Variants in TMEM254 observed in about 807,000 individuals in gnomAD.
The protein encoded by TMEM254 is transmembrane protein 254.
Under a neutral mutation model 13.9 loss-of-function variants are expected in TMEM254, and 16 were observed. The ratio of observed to expected loss-of-function variants is 1.15; its 90% CI spans 0.78 to 1.75. The LOEUF (loss-of-function observed/expected upper bound fraction) is 1.75, where lower values mean the gene tolerates loss of function less well. Ranked by LOEUF, TMEM254 falls within the 40% of genes most tolerant of loss-of-function variation. TMEM254 has a pLI of 0.00. For synonymous variants in TMEM254, 61 were observed against 56.4 expected, an observed-to-expected ratio of 1.08 and a Z score of -0.36; for missense variants, 155 against 149.0, an observed-to-expected ratio of 1.04 and a Z score of -0.21.
chr10:80,080,319 A>G (rs925810532), intron 1 of TMEM254, among the ~76,000 whole-genome samples: 7 of 152,236 alleles, frequency 4.6e-5, no homozygotes, highest in Non-Finnish European at 1.0e-4. Flanking sequence ...GAATGGGACA[A>G]TACATTTTGA....
At position 80,090,797 on chromosome 10, in the gene TMEM254, G is replaced by C. The variant is rs1310730947; in HGVS notation, c.252G>C (p.Lys84Asn). 2 of 1,611,766 alleles carry C rather than the reference G, an allele frequency of 1.2e-6. No homozygotes were observed. Among genetic ancestry groups the C allele is most frequent in the East Asian group, 4.5e-5 (2 of 44,842 alleles). ...TTAAATTTTGTTTTTTCTGTTTTAG[G>C]CATAAAGGCATCACAAGTGGTCGGG... ...GESLYAIVLCKHKGITSGRAQ... is the reference protein window; with the variant it reads ...GESLYAIVLCNHKGITSGRAQ... Residue 84 changes from lysine to asparagine, a missense_variant and splice_region_variant, in exon 4 of 4, where the codon AAG (lysine) becomes AAC (asparagine). Physicochemically the swap from Lys to Asn is moderately conservative, Grantham distance 94. Coordinates refer to ENST00000372281, the MANE Select transcript of TMEM254 (RefSeq NM_025125.4).
Position 80,081,933 on chromosome 10 carries a change from C to T in TMEM254, c.180C>T (p.Leu60=), listed in dbSNP as rs1844055606. 18 of 1,614,014 alleles carry T rather than the reference C, an allele frequency of 1.1e-5. No homozygotes were observed. Among genetic ancestry groups the T allele is most frequent in the Non-Finnish European group, 1.5e-5 (18 of 1,179,890 alleles). The part of the protein sequence containing the change: ...TQYLVDHHHT[L]LCNGYWLAWL... ...ACTTGGTGGACCACCATCACACCCT[C>T]CTGTGCAATGGGTAAGGAGAGCTGC... Residue 60 remains leucine, a synonymous_variant, in exon 2 of 4, where the codon CTC becomes CTT. Coordinates refer to ENST00000372281, the MANE Select transcript of TMEM254 (RefSeq NM_025125.4).
intron 3 of TMEM254, among the ~76,000 whole-genome samples, chr10:80,087,229 C>G (rs1932575): frequency 0.38 from 57,493 of 151,998 alleles, 11,667 homozygotes; most frequent in East Asian, 0.71. Flanking sequence ...ACTTTTAAGT[C>G]TCTACTTTTT....
chr10:80,090,719 A>T (rs1245580248), intron 3 of TMEM254, 78 bp from the exon 4 acceptor site: 1 of 1,375,198 alleles, frequency 7.3e-7, no homozygotes, highest in Non-Finnish European at 9.9e-7. Context: ...TTTAAAAAAT[A>T]TATATATAGA....
chr10:80,086,812 G>T (rs893584194), intron 3 of TMEM254, among the ~76,000 whole-genome samples: 8 of 145,564 alleles, frequency 5.5e-5, no homozygotes, highest in Admixed American at 2.8e-4. Context: ...CTGCACTCCA[G>T]CCTGGGCAAC....
At chr10:80,081,377 T>C (rs760270664) in intron 1 of TMEM254, among the ~76,000 whole-genome samples, 3 of 152,042 alleles carry the variant, frequency 2.0e-5, no homozygotes, top group Admixed American at 1.3e-4. Context: ...TTTTAGAAAA[T>C]AGAAGTCATC....
At chr10:80,090,517 T>C in intron 3 of TMEM254, 1 of 703,966 alleles carries the variant, frequency 1.4e-6, no homozygotes, top group Non-Finnish European at 2.6e-6. Context: ...CTCCATCCGC[T>C]CATCAGAATC....
intron 3 of TMEM254, chr10:80,090,318 A>G: frequency 2.8e-6 from 2 of 716,032 alleles, no homozygotes; most frequent in African/African-American, 1.7e-5. Flanking sequence ...TGTTGTGTGT[A>G]TTATCCCATA....
At chr10:80,087,589 G>A (rs1435948120) in intron 3 of TMEM254, among the ~76,000 whole-genome samples, 1 of 152,100 alleles carries the variant, frequency 6.6e-6, no homozygotes. Context: ...GGAGGCGGAG[G>A]TTGCAGTGAG....
At chr10:80,088,908 G>GTTGTTT in intron 3 of TMEM254, among the ~76,000 whole-genome samples, 1 of 151,238 alleles carries the variant, frequency 6.6e-6, no homozygotes, top group East Asian at 2.0e-4. Flanking sequence ...AACTTTTGTT[G>GTTGTTT]TTGTTTTTGT....
intron 1 of TMEM254, among the ~76,000 whole-genome samples, chr10:80,081,482 C>G (rs559952514): frequency 6.6e-6 from 1 of 151,958 alleles, no homozygotes; most frequent in South Asian, 2.1e-4. Flanking sequence ...TCCTGGGCAA[C>G]ATAGTGAGAC....
At chr10:80,089,515 A>T (rs1343712282) in intron 3 of TMEM254, among the ~76,000 whole-genome samples, 1 of 152,120 alleles carries the variant, frequency 6.6e-6, no homozygotes, top group Non-Finnish European at 1.5e-5. Flanking sequence ...TACAAAAAAC[A>T]AACAAAAAAC....
At position 80,081,649 on chromosome 10, in the gene TMEM254, C is replaced by T. The variant is rs114436053; in HGVS notation, c.88-192C>T. On this transcript the variant is annotated intron_variant, in intron 1 of 3. Transcript: ENST00000372281. ...TGCCACTGCACTCCAGCCCCAGCAG[C>T]GGAGTGAGACCCTGTCAAAAAAAAA... 1,783 of 1,524,424 alleles carry T rather than the reference C, an allele frequency of 1.2e-3. 26 individuals carry two copies. In the African/African-American group the frequency reaches 0.022, roughly 19 times the overall value. 94.4% of individuals were successfully genotyped at this position (1,524,424 alleles called of 1,614,324 possible). A position where few individuals can be genotyped will look rare whatever the true frequency, so the allele number is the denominator to read the frequency against.
At position 80,091,155 on chromosome 10, in the gene TMEM254, T is replaced by C. The variant is rs1379494205; in HGVS notation, c.*238T>C. ...AAGATTTTAGCTTTTCAATCCTATT[T>C]GGCAGAGGACTTCAGCTACCTTCTT... On this transcript the variant is annotated 3_prime_UTR_variant, in exon 4 of 4. Coordinates refer to ENST00000372281, the MANE Select transcript of TMEM254 (RefSeq NM_025125.4). 5.0e-6 allele frequency: 2 copies of C among 403,848 alleles called. No homozygotes were observed. The highest frequency in any genetic ancestry group is 2.1e-5 in the African/African-American group (1 of 48,294). The allele number at this position is 403,848 out of a possible 1,614,324, so 25.0% of individuals were successfully genotyped here.
At position 80,082,215 on chromosome 10, in the gene TMEM254, G is replaced by A. The variant is rs1844073594; in HGVS notation, c.251+11G>A. The A allele has an allele frequency of 6.2e-7, 1 of 1,614,016 alleles. No homozygotes were observed. The highest frequency in any genetic ancestry group is 8.5e-7 in the Non-Finnish European group (1 of 1,179,984). ...CATAGTATTGTGCAAGTAAGTCTTT[G>A]AAGTAGGTGTTTGTTGCCTTTCTCT... On this transcript the variant is annotated intron_variant, in intron 3 of 3. Coordinates refer to ENST00000372281, the MANE Select transcript of TMEM254 (RefSeq NM_025125.4).
Position 80,081,665 on chromosome 10 carries a change from CAAAA to C in TMEM254, c.88-169_88-166del, listed in dbSNP as rs113172526. 19 of 1,425,384 alleles carry C rather than the reference CAAAA, an allele frequency of 1.3e-5. No individual in the cohort carries two copies. The Admixed American group carries it at 3.9e-4, about 29-fold the overall frequency. 88.3% of individuals were successfully genotyped at this position (1,425,384 alleles called of 1,614,324 possible). ...CCCCAGCAGCGGAGTGAGACCCTGTCAAAAAAAAAAGAAAGAAAGAAAATAGAAG... is the reference window on the plus strand; with the variant it reads ...CCCCAGCAGCGGAGTGAGACCCTGTCAAAAAAGAAAGAAAGAAAATAGAAG... On this transcript the variant is annotated intron_variant, in intron 1 of 3. Transcript: ENST00000372281.
At chr10:80,087,401 G>A (rs1259292503) in intron 3 of TMEM254, among the ~76,000 whole-genome samples, 1 of 151,748 alleles carries the variant, frequency 6.6e-6, no homozygotes. Flanking sequence ...CCAGCACTTT[G>A]AGAGGCTGAG....
chr10:80,085,376 A>T (rs113826547), intron 3 of TMEM254, among the ~76,000 whole-genome samples: 127 of 152,036 alleles, frequency 8.4e-4, no homozygotes, highest in African/African-American at 3.0e-3. Flanking sequence ...CGTGCCCAAC[A>T]TGGTTGAAAC....
intron 3 of TMEM254, among the ~76,000 whole-genome samples, chr10:80,084,024 G>T (rs568607494): frequency 4.6e-4 from 70 of 152,240 alleles, no homozygotes; most frequent in Non-Finnish European, 8.5e-4. Flanking sequence ...GGCAGAGGCT[G>T]CAGTGAGCCG....
Sources: gnomAD v4.1 joint callset for allele counts (sites outside exome capture counted in the v4.1 genomes callset) on GRCh38, gnomAD v4.1.1 for gene constraint, MANE v1.5 for transcripts, NCBI Gene and HGNC (gene_info 2026-07-23, HGNC 2026-07-21) for gene names.